Variants in CCDC6 observed in about 807,000 individuals in gnomAD.
CCDC6 encodes coiled-coil domain containing 6.
Under a neutral mutation model 56.6 loss-of-function variants are expected in CCDC6, and 20 were observed. The observed-to-expected ratio is 0.35, with a 90% CI of 0.25 to 0.51. The LOEUF (loss-of-function observed/expected upper bound fraction) is 0.51, where lower values mean the gene tolerates loss of function less well. Ranked by LOEUF, CCDC6 falls within the 20% of genes least tolerant of loss-of-function variation. The probability of loss-of-function intolerance (pLI) is 0.95; values close to 1 mark genes in which losing one functional copy is unlikely to be tolerated. For missense variants in CCDC6, 367 were observed against 601.1 expected (o/e 0.61, Z 4.07); for synonymous variants, 241 against 234.4 (o/e 1.03, Z -0.26).
At position 59,796,763 on chromosome 10, in the gene CCDC6, C is replaced by A. The variant is rs537830918; in HGVS notation, c.1106-2166G>T. Among the ~76,000 whole-genome samples the A allele has an allele frequency of 7.9e-5, 12 of 152,084 alleles. No individual in the cohort carries two copies. In the South Asian group the frequency reaches 2.5e-3, roughly 32 times the overall value. On this transcript the variant is annotated intron_variant, in intron 7 of 8. Transcript: ENST00000263102. Reference sequence around the variant, plus strand: ...CAGGCAGGTCACAAGGTCAGGAGATCGAGACCATCTTGGCTAACATGGTGA... The same window carrying A: ...CAGGCAGGTCACAAGGTCAGGAGATAGAGACCATCTTGGCTAACATGGTGA...
chr10:59,853,507 C>T (rs1308447316), intron 1 of CCDC6, among the ~76,000 whole-genome samples: 1 of 152,040 alleles, frequency 6.6e-6, no homozygotes, highest in Non-Finnish European at 1.5e-5. Context: ...GCACACCAGC[C>T]TGGGTGACAG....
intron 7 of CCDC6, among the ~76,000 whole-genome samples, chr10:59,803,744 C>T (rs2070595854): frequency 6.6e-6 from 1 of 152,176 alleles, no homozygotes; most frequent in African/African-American, 2.4e-5. Flanking sequence ...ACAAGCAATC[C>T]TTTGAGGGAA....
At chr10:59,863,647 T>C (rs1486962195) in intron 1 of CCDC6, among the ~76,000 whole-genome samples, 4 of 152,212 alleles carry the variant, frequency 2.6e-5, no homozygotes, top group Non-Finnish European at 5.9e-5. Flanking sequence ...GAACTGTACA[T>C]TTTACACGTG....
At chr10:59,804,856 G>T in intron 6 of CCDC6, 1 of 222,488 alleles carries the variant, frequency 4.5e-6, no homozygotes, top group South Asian at 7.8e-5. Flanking sequence ...TGTCCCAAGA[G>T]TTACAAAGAC....
At chr10:59,819,310 A>G (rs2070733626) in intron 3 of CCDC6, among the ~76,000 whole-genome samples, 1 of 152,218 alleles carries the variant, frequency 6.6e-6, no homozygotes, top group African/African-American at 2.4e-5. Flanking sequence ...AGGACTCTAT[A>G]TTATCTTTAA....
intron 2 of CCDC6, among the ~76,000 whole-genome samples, chr10:59,839,960 G>T (rs1358572614): frequency 6.6e-6 from 1 of 152,134 alleles, no homozygotes; most frequent in African/African-American, 2.4e-5. Flanking sequence ...CGAGTAGCTG[G>T]AATTACAGGC....
At chr10:59,860,000 T>C (rs2071114340) in intron 1 of CCDC6, among the ~76,000 whole-genome samples, 1 of 152,222 alleles carries the variant, frequency 6.6e-6, no homozygotes, top group Non-Finnish European at 1.5e-5. Flanking sequence ...AAGAATTGCT[T>C]GAACCTGGGA....
chr10:59,850,465 C>G (rs139523013), intron 2 of CCDC6, among the ~76,000 whole-genome samples: 13 of 152,322 alleles, frequency 8.5e-5, no homozygotes, highest in African/African-American at 2.6e-4. Flanking sequence ...GAATCACCAA[C>G]AAGCTACAGA....
chr10:59,851,339 C>T (rs1459241700), intron 2 of CCDC6, among the ~76,000 whole-genome samples: 2 of 152,024 alleles, frequency 1.3e-5, no homozygotes, highest in Non-Finnish European at 2.9e-5. Context: ...AATCACAATG[C>T]AAATGAATAA....
intron 1 of CCDC6, among the ~76,000 whole-genome samples, chr10:59,885,311 C>G (rs2071374026): frequency 6.6e-6 from 1 of 152,072 alleles, no homozygotes; most frequent in Non-Finnish European, 1.5e-5. Context: ...AACACCAAGG[C>G]TGTTGGCAAA....
chr10:59,814,845 T>C, intron 3 of CCDC6, 90 bp from the exon 4 acceptor site: 1 of 814,034 alleles, frequency 1.2e-6, no homozygotes, highest in Non-Finnish European at 2.1e-6. Context: ...ACCCCTTTTC[T>C]TGGAGAATAC....
Position 59,817,668 on chromosome 10 carries a change from A to G in CCDC6, c.583-2913T>C, listed in dbSNP as rs573145291. Among the ~76,000 whole-genome samples, 8 of 152,322 alleles carry G rather than the reference A, an allele frequency of 5.3e-5. No homozygotes were observed. In the South Asian group the frequency reaches 1.0e-3, roughly 20 times the overall value. On this transcript the variant is annotated intron_variant, in intron 3 of 8. Coordinates refer to ENST00000263102, the MANE Select transcript of CCDC6 (RefSeq NM_005436.5). Reference sequence around the variant, plus strand: ...TCAATTACTTTTAGAGTAAATACTCATAATACTAATCAATAACTCTGAGAA... The same window carrying G: ...TCAATTACTTTTAGAGTAAATACTCGTAATACTAATCAATAACTCTGAGAA...
chr10:59,833,648 G>C (rs559807321), intron 2 of CCDC6, among the ~76,000 whole-genome samples: 1 of 142,482 alleles, frequency 7.0e-6, no homozygotes, highest in Admixed American at 7.0e-5. Flanking sequence ...ACTGGGGGGG[G>C]GGGGGGTTTG....
At chr10:59,896,238 A>G (rs1171585356) in intron 1 of CCDC6, among the ~76,000 whole-genome samples, 2 of 152,204 alleles carry the variant, frequency 1.3e-5, no homozygotes, top group South Asian at 4.1e-4. Flanking sequence ...AAATGCATAC[A>G]TTTCATTAAA....
In CCDC6 at chr10:59,855,416, A is replaced by C. The variant is rs567151984; in HGVS notation, c.304-2714T>G. ...CTCCATTTCTACTTAAAATAAAAAA[A>C]ATTAGCTGAGCATGGTGGTGAGCGC... On this transcript the variant is annotated intron_variant, in intron 1 of 8. Transcript: ENST00000263102. Among the ~76,000 whole-genome samples, 8 of 152,300 alleles carry C rather than the reference A, an allele frequency of 5.3e-5. No homozygotes were observed. In the South Asian group the frequency reaches 1.7e-3, roughly 32 times the overall value.
chr10:59,832,436 C>T, intron 3 of CCDC6, 89 bp downstream of exon 3: 1 of 1,290,886 alleles, frequency 7.7e-7, no homozygotes, highest in Non-Finnish European at 1.1e-6. Context: ...AACTACTTTT[C>T]ACTTAAATTC....
At chr10:59,881,991 G>C (rs2071339755) in intron 1 of CCDC6, among the ~76,000 whole-genome samples, 1 of 144,346 alleles carries the variant, frequency 6.9e-6, no homozygotes, top group Non-Finnish European at 1.5e-5. Flanking sequence ...GAGAGGGAGG[G>C]AGAAGGAAAG....
intron 1 of CCDC6, among the ~76,000 whole-genome samples, chr10:59,890,414 G>A (rs1245939415): frequency 6.6e-6 from 1 of 152,204 alleles, no homozygotes. Flanking sequence ...AGGAGGGGAT[G>A]CTGCGTCGGC....
intron 4 of CCDC6, 125 bp downstream of exon 4, chr10:59,814,527 C>T: frequency 1.6e-6 from 1 of 607,978 alleles, no homozygotes; most frequent in Non-Finnish European, 2.9e-6. Flanking sequence ...TTCCTTTGGC[C>T]AATTAAAATG....
Sources: allele counts gnomAD v4.1 joint callset (sites outside exome capture counted in the v4.1 genomes callset), GRCh38; gene constraint gnomAD v4.1.1; transcripts MANE v1.5; gene names NCBI Gene and HGNC (gene_info 2026-07-23, HGNC 2026-07-21).